TMEFF2: variants seen among roughly 807,000 people sequenced by gnomAD.
TMEFF2 encodes tomoregulin-2.
A neutral mutation model predicts 53.8 loss-of-function variants in TMEFF2; 28 were observed. The observed-to-expected ratio is 0.52, with a 90% CI of 0.39 to 0.71. The LOEUF is 0.71. TMEFF2 is among the 30% of genes least tolerant of loss of function. The pLI is 0.00. For synonymous variants in TMEFF2, 162 were observed against 166.3 expected (o/e 0.97, Z 0.20); for missense variants, 353 against 455.2 (o/e 0.78, Z 2.04).
chr2:192,191,761 G>A (rs1416922178), intron 2 of TMEFF2, 119 bp downstream of exon 2: 2 of 658,774 alleles, frequency 3.0e-6, no homozygotes, highest in Non-Finnish European at 5.1e-6. Context: ...CTTTTGCTTG[G>A]TGCCAGCTTC....
At chr2:192,075,296 T>C (rs958942332) in intron 4 of TMEFF2, among the ~76,000 whole-genome samples, 1 of 32,972 alleles carries the variant, frequency 3.0e-5, no homozygotes, top group African/African-American at 1.4e-4. Context: ...TATATATATA[T>C]ATATATATAT....
At chr2:192,161,571 T>C (rs1201260718) in intron 4 of TMEFF2, among the ~76,000 whole-genome samples, 4 of 152,208 alleles carry the variant, frequency 2.6e-5, no homozygotes, top group Non-Finnish European at 5.9e-5. Context: ...TTGGGATGTA[T>C]AGTGTAAGCA....
chr2:191,991,398 A>C (rs1372000556), intron 7 of TMEFF2, among the ~76,000 whole-genome samples: 1 of 152,126 alleles, frequency 6.6e-6, no homozygotes, highest in Non-Finnish European at 1.5e-5. Context: ...TTCAATTTTC[A>C]GACCAAAAGG....
chr2:192,002,559 G>A (rs6737248), intron 5 of TMEFF2, among the ~76,000 whole-genome samples: 54,480 of 151,854 alleles, frequency 0.36, 11,573 homozygotes, highest in East Asian at 0.51. Context: ...GCCGGGCGTG[G>A]TGTCTCATGC....
At chr2:192,062,077 A>C (rs1688058082) in intron 4 of TMEFF2, among the ~76,000 whole-genome samples, 1 of 8,838 alleles carries the variant, frequency 1.1e-4, no homozygotes, top group South Asian at 0.17. Flanking sequence ...GTAGCCTTTA[A>C]TTAGTGTTGA....
At chr2:192,132,809 C>T (rs1339782041) in intron 4 of TMEFF2, among the ~76,000 whole-genome samples, 1 of 152,186 alleles carries the variant, frequency 6.6e-6, no homozygotes, top group Admixed American at 6.5e-5. Flanking sequence ...GTTCAACTCA[C>T]CTGGCAGCCA....
intron 5 of TMEFF2, among the ~76,000 whole-genome samples, chr2:192,026,990 G>GT (rs1686985712): frequency 6.6e-6 from 1 of 152,196 alleles, no homozygotes; most frequent in Admixed American, 6.5e-5. Flanking sequence ...CAATGGAACA[G>GT]TTTCTCCAGA....
At chr2:191,984,036 C>T (rs1262158498) in intron 7 of TMEFF2, among the ~76,000 whole-genome samples, 4 of 152,082 alleles carry the variant, frequency 2.6e-5, no homozygotes. Flanking sequence ...CTGCTAAACC[C>T]TAGTAGTCCA....
At chr2:191,952,650 C>T (rs866777760) in intron 9 of TMEFF2, among the ~76,000 whole-genome samples, 17 of 152,058 alleles carry the variant, frequency 1.1e-4, no homozygotes, top group African/African-American at 2.7e-4. Flanking sequence ...TGAGGCCAGG[C>T]GAGGATTTAT....
In TMEFF2 at chr2:192,193,798, A is replaced by AGAGAGAGG. The variant is rs1553534709; in HGVS notation, c.172+554_172+555insCCTCTCTC. The stretch of plus-strand genomic sequence containing the variant: ...GAGAGAGAGAGAGAGAGAGAGAGAG[A>AGAGAGAGG]GAGAGAGAGAAATTCTATTGAAACC... On this transcript the variant is annotated intron_variant, in intron 1 of 9. Transcript: ENST00000272771. Among the ~76,000 whole-genome samples the AGAGAGAGG allele has an allele frequency of 3.5e-3, 482 of 139,680 alleles. 4 individuals are homozygous for AGAGAGAGG. The highest frequency in any genetic ancestry group is 0.013 in the African/African-American group (456 of 35,548). The allele number at this position is 139,680 out of a possible 152,430, so 91.6% of individuals were successfully genotyped here.
At chr2:191,995,121 C>T (rs746300574) in intron 7 of TMEFF2, among the ~76,000 whole-genome samples, 1 of 151,954 alleles carries the variant, frequency 6.6e-6, no homozygotes, top group African/African-American at 2.4e-5. Flanking sequence ...TTGCTCCCTT[C>T]GTTTGCATTT....
intron 4 of TMEFF2, among the ~76,000 whole-genome samples, chr2:192,145,326 A>T (rs561412568): frequency 1.2e-4 from 18 of 152,110 alleles, no homozygotes; most frequent in African/African-American, 4.3e-4. Context: ...ATTGTATATA[A>T]GAACTTTTAA....
At chr2:192,174,404 C>T (rs1466516628) in intron 4 of TMEFF2, among the ~76,000 whole-genome samples, 1 of 151,792 alleles carries the variant, frequency 6.6e-6, no homozygotes, top group Non-Finnish European at 1.5e-5. Context: ...CCATCATTCT[C>T]ACTTTATTTT....
intron 5 of TMEFF2, among the ~76,000 whole-genome samples, chr2:192,026,126 T>C (rs190331928): frequency 1.8e-4 from 27 of 152,296 alleles, no homozygotes; most frequent in South Asian, 1.7e-3. Flanking sequence ...TTTGCTCAGT[T>C]CACAGTATCA....
chr2:191,989,856 T>C (rs1396460061), intron 7 of TMEFF2, among the ~76,000 whole-genome samples: 1 of 152,028 alleles, frequency 6.6e-6, no homozygotes, highest in Non-Finnish European at 1.5e-5. Flanking sequence ...ACTGGCAAAT[T>C]CCCTTCTAGC....
intron 5 of TMEFF2, chr2:192,032,343 C>G (rs907507096): frequency 1.3e-5 from 2 of 152,006 alleles, no homozygotes; most frequent in Non-Finnish European, 2.9e-5. Flanking sequence ...AGATAAGGAC[C>G]CTTTTGGCTT....
intron 5 of TMEFF2, among the ~76,000 whole-genome samples, chr2:192,014,580 T>G (rs1686704247): frequency 1.3e-5 from 2 of 152,190 alleles, no homozygotes; most frequent in African/African-American, 4.8e-5. Flanking sequence ...TGATTGAAGG[T>G]TACTGTCTGC....
chr2:192,074,299 A>G (rs576320099), intron 4 of TMEFF2, among the ~76,000 whole-genome samples: 2 of 151,986 alleles, frequency 1.3e-5, no homozygotes, highest in South Asian at 2.1e-4. Flanking sequence ...AAATTACAAA[A>G]CCTCATATGT....
At chr2:192,180,731 C>T (rs934379397) in intron 3 of TMEFF2, among the ~76,000 whole-genome samples, 7 of 151,692 alleles carry the variant, frequency 4.6e-5, no homozygotes, top group South Asian at 2.1e-4. Flanking sequence ...TTGAGAAACA[C>T]CACATAGAAA....
Sources: gnomAD v4.1 joint callset for allele counts (sites outside exome capture counted in the v4.1 genomes callset) on GRCh38, gnomAD v4.1.1 for gene constraint, MANE v1.5 for transcripts, NCBI Gene and HGNC (gene_info 2026-07-23, HGNC 2026-07-21) for gene names.